Variants in DNAJC15 observed in about 807,000 individuals in gnomAD.
DNAJC15 encodes the protein dnaJ homolog subfamily C member 15.
In DNAJC15, 27 loss-of-function variants were observed where a neutral mutation model predicts 22.4. The observed-to-expected ratio is 1.20, with a 90% CI of 0.89 to 1.66. The LOEUF is 1.66. Ranked by LOEUF, DNAJC15 falls within the 40% of genes most tolerant of loss-of-function variation. DNAJC15 has a pLI of 0.00. For missense variants in DNAJC15, 208 were observed against 187.1 expected (o/e 1.11, Z -0.65); for synonymous variants, 79 against 63.2 (o/e 1.25, Z -1.19).
At chr13:43,059,063 A>G (rs2040544523) in intron 1 of DNAJC15, among the ~76,000 whole-genome samples, 1 of 152,194 alleles carries the variant, frequency 6.6e-6, no homozygotes, top group South Asian at 2.1e-4. Flanking sequence ...TAGTTCTTGG[A>G]GCAAAAGTTC....
intron 3 of DNAJC15, among the ~76,000 whole-genome samples, chr13:43,074,634 G>A (rs2040624325): frequency 6.6e-6 from 1 of 152,154 alleles, no homozygotes; most frequent in African/African-American, 2.4e-5. Context: ...TATTAGTGGG[G>A]AGGAGTACAG....
At chr13:43,074,129 A>C (rs1239225894) in intron 3 of DNAJC15, among the ~76,000 whole-genome samples, 1 of 152,186 alleles carries the variant, frequency 6.6e-6, no homozygotes, top group Non-Finnish European at 1.5e-5. Flanking sequence ...ATTGTACATA[A>C]TAAAGTTTAT....
rs535949870 is a variant in DNAJC15, at chr13:43,111,719, C to T, written c.*4471C>T. On this transcript the variant is annotated 3_prime_UTR_variant, in exon 6 of 6. Transcript: ENST00000379221. ...TGGAACCATGCTGTCCTCGGGCACC[C>T]TGCACCTCGCCCAACAGTCATCAAC... 1.3e-5 allele frequency: 2 copies of T among 152,200 alleles called. No homozygotes were observed. Among genetic ancestry groups the T allele is most frequent in the Non-Finnish European group, 2.9e-5 (2 of 68,068 alleles). The allele number at this position is 152,200 out of a possible 1,614,324, so 9.4% of individuals were successfully genotyped here.
At position 43,052,831 on chromosome 13, in the gene DNAJC15, C is replaced by A. The variant is rs1259494966; in HGVS notation, c.109-12855C>A. Among the ~76,000 whole-genome samples the A allele has an allele frequency of 3.3e-5, 5 of 152,304 alleles. No homozygotes were observed. In the East Asian group the frequency reaches 9.6e-4, roughly 29 times the overall value. On this transcript the variant is annotated intron_variant, in intron 1 of 5. Coordinates refer to ENST00000379221, the MANE Select transcript of DNAJC15 (RefSeq NM_013238.3). ...ATACATAGTTTGCAAAGATTTTCCCCTACTCTGTGGGTTGTTTATTCTGCT... is the reference window on the plus strand; with the variant it reads ...ATACATAGTTTGCAAAGATTTTCCCATACTCTGTGGGTTGTTTATTCTGCT...
At chr13:43,034,226 A>G (rs542855675) in intron 1 of DNAJC15, among the ~76,000 whole-genome samples, 33 of 145,406 alleles carry the variant, frequency 2.3e-4, no homozygotes, top group African/African-American at 5.8e-4. Context: ...TTTAAGGAGT[A>G]GAGAGTTATG....
At chr13:43,037,280 G>A (rs2153439666) in intron 1 of DNAJC15, among the ~76,000 whole-genome samples, 1 of 152,294 alleles carries the variant, frequency 6.6e-6, no homozygotes, top group East Asian at 1.9e-4. Flanking sequence ...TGCAGATAAG[G>A]TGTACATCAG....
At chr13:43,095,166 C>A (rs2040733731) in intron 5 of DNAJC15, among the ~76,000 whole-genome samples, 1 of 152,092 alleles carries the variant, frequency 6.6e-6, no homozygotes. Flanking sequence ...ATCCAGGAGG[C>A]TGGTACAGTA....
At chr13:43,049,002 T>C (rs2040490929) in intron 1 of DNAJC15, among the ~76,000 whole-genome samples, 1 of 152,196 alleles carries the variant, frequency 6.6e-6, no homozygotes, top group Non-Finnish European at 1.5e-5. Flanking sequence ...ATGGCATCCA[T>C]ATTCATCATC....
intron 3 of DNAJC15, among the ~76,000 whole-genome samples, chr13:43,070,417 C>T (rs1056508437): frequency 1.3e-5 from 2 of 151,312 alleles, no homozygotes; most frequent in African/African-American, 4.9e-5. Flanking sequence ...AAGACATTGC[C>T]GTCTAGGAGC....
intron 5 of DNAJC15, among the ~76,000 whole-genome samples, chr13:43,106,054 T>C (rs1366022877): frequency 1.3e-5 from 2 of 152,180 alleles, no homozygotes; most frequent in Non-Finnish European, 2.9e-5. Context: ...CACAACACCA[T>C]GTTTGTTGAT....
chr13:43,028,952 G>A (rs1449123329), intron 1 of DNAJC15, among the ~76,000 whole-genome samples: 1 of 152,170 alleles, frequency 6.6e-6, no homozygotes, highest in Admixed American at 6.5e-5. Flanking sequence ...GAAGTCCTCA[G>A]GGAAGACACT....
intron 5 of DNAJC15, among the ~76,000 whole-genome samples, chr13:43,087,077 T>C (rs9525734): frequency 0.23 from 34,730 of 152,174 alleles, 4,562 homozygotes; most frequent in Non-Finnish European, 0.31. Flanking sequence ...TCCTTTTTGT[T>C]TGCATGATTT....
intron 4 of DNAJC15, chr13:43,078,936 A>C: frequency 3.8e-6 from 1 of 266,060 alleles, no homozygotes; most frequent in Non-Finnish European, 7.2e-6. Context: ...AGGATCTATA[A>C]TATTTGAATA....
rs2040821310 is a variant in DNAJC15 at position 43,110,831 on chromosome 13, C to T, written c.*3583C>T. On this transcript the variant is annotated 3_prime_UTR_variant, in exon 6 of 6. Transcript: ENST00000379221. ...CAGTAGGCTTATAAAACTGAATTTT[C>T]ACCAGCCACACCCTCCCCCCAACTC... The T allele has an allele frequency of 6.6e-6, 1 of 152,158 alleles. No homozygotes were observed. The highest frequency in any genetic ancestry group is 2.4e-5 in the African/African-American group (1 of 41,440). 9.4% of individuals were successfully genotyped at this position (152,158 alleles called of 1,614,324 possible).
chr13:43,053,900 T>C (rs551826855), intron 1 of DNAJC15, among the ~76,000 whole-genome samples: 15 of 152,346 alleles, frequency 9.8e-5, no homozygotes, highest in African/African-American at 3.6e-4. Context: ...TTGGATGCCC[T>C]TTATTTCCCT....
At chr13:43,067,262 G>A (rs1418538588) in intron 2 of DNAJC15, among the ~76,000 whole-genome samples, 1 of 152,154 alleles carries the variant, frequency 6.6e-6, no homozygotes, top group Non-Finnish European at 1.5e-5. Flanking sequence ...TCTTGGAAAT[G>A]ATGAAACACT....
At chr13:43,086,053 T>A (rs2040686761) in intron 5 of DNAJC15, among the ~76,000 whole-genome samples, 1 of 152,170 alleles carries the variant, frequency 6.6e-6, no homozygotes, top group African/African-American at 2.4e-5. Context: ...AGTTGCTGGT[T>A]TTTATATATG....
At chr13:43,061,974 GC>G (rs2040561384) in intron 1 of DNAJC15, among the ~76,000 whole-genome samples, 1 of 152,182 alleles carries the variant, frequency 6.6e-6, no homozygotes, top group African/African-American at 2.4e-5. Flanking sequence ...TTACCCTGTT[GC>G]ATGCCCCGTC....
intron 4 of DNAJC15, among the ~76,000 whole-genome samples, chr13:43,083,645 G>A (rs1395486985): frequency 1.3e-5 from 2 of 152,182 alleles, no homozygotes; most frequent in East Asian, 3.8e-4. Context: ...ATGTAGATTA[G>A]CCACAGAAAT....
Sources: gnomAD v4.1 joint callset for allele counts (sites outside exome capture counted in the v4.1 genomes callset) on GRCh38, gnomAD v4.1.1 for gene constraint, MANE v1.5 for transcripts, NCBI Gene and HGNC (gene_info 2026-07-23, HGNC 2026-07-21) for gene names.